The following NTNG2 variants were observed in gnomAD, a reference collection of about 807,000 sequenced individuals.
NTNG2 encodes the protein netrin G2.
In NTNG2, 15 loss-of-function variants were observed where a neutral mutation model predicts 47.6. That is an observed-to-expected ratio of 0.32 (90% CI 0.21 to 0.49). The LOEUF is 0.49. NTNG2 is among the 20% of genes least tolerant of loss of function. NTNG2 has a pLI of 0.99. For synonymous variants in NTNG2, 307 were observed against 324.6 expected (o/e 0.95, Z 0.58); for missense variants, 578 against 764.6 (o/e 0.76, Z 2.88).
rs149825104 is a variant in NTNG2, at chr9:132,236,069, C to A, written c.1055-3035C>A. On this transcript the variant is annotated intron_variant, in intron 5 of 7. Transcript: ENST00000393229. This position sits in a 1 kb window ranked among gnomAD's most constrained non-coding sequence, Gnocchi z 4.3. ...AGGCCCCGCCTCCCACGACAGGAAC[C>A]CCCCTCTCCAGCTGCCCTTGCTCAC... 4.1e-4 allele frequency among the ~76,000 whole-genome samples: 62 copies of A among 152,338 alleles called. No homozygotes were observed. Among genetic ancestry groups the A allele is most frequent in the African/African-American group, 1.4e-3 (58 of 41,578 alleles).
Position 132,231,277 on chromosome 9 carries a change from C to T in NTNG2, c.1054+682C>T. ...CCCCAGACACTCACAGGGTGCCAGG[C>T]ACGGTCTCTCCTTTCAGCCTTGCAA... On this transcript the variant is annotated intron_variant, in intron 5 of 7. Coordinates refer to ENST00000393229, the MANE Select transcript of NTNG2 (RefSeq NM_032536.4). This position sits in a 1 kb window ranked among gnomAD's most constrained non-coding sequence, Gnocchi z 4.1. The T allele has an allele frequency of 4.4e-6, 2 of 456,226 alleles. No homozygotes were observed. Among genetic ancestry groups the T allele is most frequent in the Non-Finnish European group, 8.8e-6 (2 of 226,766 alleles). The allele number at this position is 456,226 out of a possible 1,614,324, so 28.3% of individuals were successfully genotyped here.
rs182024929 is a variant in NTNG2 at position 132,223,737 on chromosome 9, G to A, written c.858-3112G>A. ...GCCCAGGTGCCCTGCCCTGGTCCAG[G>A]CCTCTATTCGCAGGATCTCACTGAT... On this transcript the variant is annotated intron_variant, in intron 3 of 7. Transcript: ENST00000393229. Among the ~76,000 whole-genome samples, 3 of 152,304 alleles carry A rather than the reference G, an allele frequency of 2.0e-5. No homozygotes were observed. The East Asian group carries it at 5.8e-4, about 29-fold the overall frequency.
chr9:132,210,387 A>G (rs1839502536), intron 3 of NTNG2, among the ~76,000 whole-genome samples: 1 of 152,170 alleles, frequency 6.6e-6, no homozygotes, highest in African/African-American at 2.4e-5. Context: ...CACACAGACC[A>G]TGTTCCTCCG....
At chr9:132,169,290 G>T (rs555668737) in intron 2 of NTNG2, among the ~76,000 whole-genome samples, 1 of 152,246 alleles carries the variant, frequency 6.6e-6, no homozygotes, top group Non-Finnish European at 1.5e-5. Context: ...ATGTGTGTCC[G>T]ATGAGGACGG....
intron 4 of NTNG2, 137 bp from the exon 5 acceptor site, chr9:132,230,435 G>A: frequency 1.4e-6 from 1 of 735,716 alleles, no homozygotes; most frequent in South Asian, 1.6e-5. Context: ...ATTGCTAGCA[G>A]TTGTGTGGTG....
In NTNG2 at chr9:132,208,488, C is replaced by T. The variant is rs1438914684; in HGVS notation, c.857+9879C>T. ...TGCTGGAGGCCTGCAGGAGACTGGG[C>T]GGGCCCTACCAAGACTGACAGCAGC... On this transcript the variant is annotated intron_variant, in intron 3 of 7. Coordinates refer to ENST00000393229, the MANE Select transcript of NTNG2 (RefSeq NM_032536.4). This position sits in a 1 kb window ranked among gnomAD's most constrained non-coding sequence, Gnocchi z 4.0. Among the ~76,000 whole-genome samples, 2 of 152,038 alleles carry T rather than the reference C, an allele frequency of 1.3e-5. No individual in the cohort carries two copies. The highest frequency in any genetic ancestry group is 2.9e-5 in the Non-Finnish European group (2 of 68,004).
intron 3 of NTNG2, among the ~76,000 whole-genome samples, chr9:132,206,781 C>T (rs1839201001): frequency 6.6e-6 from 1 of 152,276 alleles, no homozygotes; most frequent in Admixed American, 6.5e-5. Context: ...CTCCCAGGCC[C>T]CCTGAGCTAC....
At chr9:132,184,705 C>T (rs1254568081) in intron 2 of NTNG2, among the ~76,000 whole-genome samples, 1 of 152,168 alleles carries the variant, frequency 6.6e-6, no homozygotes, top group African/African-American at 2.4e-5. Context: ...GGGTGGATCA[C>T]CTGAGGTCAG....
intron 3 of NTNG2, among the ~76,000 whole-genome samples, chr9:132,224,518 C>T (rs957140813): frequency 6.6e-6 from 1 of 152,138 alleles, no homozygotes; most frequent in Non-Finnish European, 1.5e-5. Flanking sequence ...CTGCTAGACC[C>T]GAAGCACCAT....
chr9:132,180,352 T>C lies in NTNG2; in HGVS notation c.213+13308T>C, dbSNP rs1836837652. Among the ~76,000 whole-genome samples, 1 of 152,254 alleles carries C rather than the reference T, an allele frequency of 6.6e-6. No homozygotes were observed. Among genetic ancestry groups the C allele is most frequent in the Non-Finnish European group, 1.5e-5 (1 of 68,040 alleles). ...GCCAGCCTGCAACAGGGCAGTGTCC[T>C]TCTGGGAGGTGTCCCTCCCTCTGGG... On this transcript the variant is annotated intron_variant, in intron 2 of 7. Coordinates refer to ENST00000393229, the MANE Select transcript of NTNG2 (RefSeq NM_032536.4). This position sits in a 1 kb window ranked among gnomAD's most constrained non-coding sequence, Gnocchi z 4.2.
At chr9:132,179,554 G>C (rs1011598595) in intron 2 of NTNG2, among the ~76,000 whole-genome samples, 3 of 152,220 alleles carry the variant, frequency 2.0e-5, no homozygotes, top group Non-Finnish European at 4.4e-5. Context: ...CGATCATGGT[G>C]CTGGGTTTTG....
In NTNG2 at chr9:132,231,347, G is replaced by T. The variant is rs1841205283; in HGVS notation, c.1054+752G>T. On this transcript the variant is annotated intron_variant, in intron 5 of 7. Transcript: ENST00000393229. The surrounding 1 kb of genome is among the most constrained non-coding windows in gnomAD (Gnocchi z 4.1). ...CGCCATCTGCTCTGCGAGGCAGCAG[G>T]AGAGGACTGGCCAATGTCAAAGAGC... 2.2e-6 allele frequency: 1 copy of T among 456,230 alleles called. No homozygotes were observed. Among genetic ancestry groups the T allele is most frequent in the South Asian group, 1.5e-5 (1 of 64,536 alleles). 28.3% of individuals were successfully genotyped at this position (456,230 alleles called of 1,614,324 possible).
At chr9:132,214,920 G>T (rs1284598084) in intron 3 of NTNG2, among the ~76,000 whole-genome samples, 15 of 151,530 alleles carry the variant, frequency 9.9e-5, no homozygotes, top group African/African-American at 3.4e-4. Flanking sequence ...CACCCAGGCT[G>T]AAGGGCAGTG....
intron 3 of NTNG2, among the ~76,000 whole-genome samples, chr9:132,214,866 CA>C (rs75499113): frequency 2.3e-5 from 2 of 86,768 alleles, no homozygotes; most frequent in Non-Finnish European, 4.0e-5. Flanking sequence ...ATCTAAAATT[CA>C]AAAAAAATTT....
rs577390682 is a variant in NTNG2, at chr9:132,244,384, T to A, written c.*2273T>A. Reference sequence around the variant, plus strand: ...TTATAGAGTTGAGGTCTCACTATGTTGCCCAGGCTGGTCTCAAACTCCTAG... The same window carrying A: ...TTATAGAGTTGAGGTCTCACTATGTAGCCCAGGCTGGTCTCAAACTCCTAG... On this transcript the variant is annotated 3_prime_UTR_variant, in exon 8 of 8. Transcript: ENST00000393229. 1.6e-4 allele frequency: 24 copies of A among 152,436 alleles called. No individual in the cohort carries two copies. The highest frequency in any genetic ancestry group is 4.8e-4 in the African/African-American group (20 of 41,584). The allele number at this position is 152,436 out of a possible 1,614,324, so 9.4% of individuals were successfully genotyped here. A position where few individuals can be genotyped will look rare whatever the true frequency, so the allele number is the denominator to read the frequency against.
chr9:132,185,470 C>T (rs1008847597), intron 2 of NTNG2, among the ~76,000 whole-genome samples: 33 of 152,174 alleles, frequency 2.2e-4, no homozygotes, highest in African/African-American at 7.7e-4. Context: ...ATATTCATGG[C>T]GGCAGAGTGG....
chr9:132,241,834 G>T, intron 7 of NTNG2, 42 bp from the exon 8 acceptor site: 1 of 1,421,380 alleles, frequency 7.0e-7, no homozygotes, highest in Non-Finnish European at 9.4e-7. Flanking sequence ...TTGGCGGGGG[G>T]ACCGGGCCAC....
At position 132,236,161 on chromosome 9, in the gene NTNG2, G is replaced by C. The variant is rs1841611000; in HGVS notation, c.1055-2943G>C. Among the ~76,000 whole-genome samples, 1 of 152,240 alleles carries C rather than the reference G, an allele frequency of 6.6e-6. No homozygotes were observed. Among genetic ancestry groups the C allele is most frequent in the African/African-American group, 2.4e-5 (1 of 41,452 alleles). On this transcript the variant is annotated intron_variant, in intron 5 of 7. Transcript: ENST00000393229. The surrounding 1 kb of genome is among the most constrained non-coding windows in gnomAD (Gnocchi z 4.3). ...CTTCCTGCAGGAGCGGGGGCCATGAGACCTCGGAGGGTGGACTGTGGTGGG... is the reference window on the plus strand; with the variant it reads ...CTTCCTGCAGGAGCGGGGGCCATGACACCTCGGAGGGTGGACTGTGGTGGG...
At chr9:132,184,966 G>A (rs947446346) in intron 2 of NTNG2, among the ~76,000 whole-genome samples, 11 of 152,192 alleles carry the variant, frequency 7.2e-5, no homozygotes, top group African/African-American at 2.4e-4. Context: ...GGCAGAGCTG[G>A]TGGCAGAGCC....
Sources: allele counts gnomAD v4.1 joint callset (sites outside exome capture counted in the v4.1 genomes callset), GRCh38; gene constraint gnomAD v4.1.1; non-coding constraint Gnocchi (gnomAD v3.1); transcripts MANE v1.5; gene names NCBI Gene and HGNC (gene_info 2026-07-23, HGNC 2026-07-21).